CPED1: variants seen among roughly 807,000 people sequenced by gnomAD.
The protein encoded by CPED1 is cadherin like and PC-esterase domain containing 1.
CPED1 carries 114 observed loss-of-function variants against 128.2 expected under a neutral mutation model. That is an observed-to-expected ratio of 0.89 (90% confidence interval 0.76 to 1.04). The LOEUF (loss-of-function observed/expected upper bound fraction) is 1.04, where lower values mean the gene tolerates loss of function less well. CPED1 is among the 50% of genes least tolerant of loss of function. The pLI is 0.00. For missense variants in CPED1, 1,211 were observed against 1,207.1 expected (o/e 1.00, Z -0.05); for synonymous variants, 462 against 426.7 (o/e 1.08, Z -1.02).
At chr7:121,009,031 C>T (rs1792096175) in intron 2 of CPED1, among the ~76,000 whole-genome samples, 1 of 152,044 alleles carries the variant, frequency 6.6e-6, no homozygotes, top group African/African-American at 2.4e-5. Flanking sequence ...TCCCTTAGCT[C>T]AGTGTTTCCA....
chr7:121,041,455 A>T lies in CPED1; in HGVS notation c.434-5432A>T, dbSNP rs140500815. Reference sequence around the variant, plus strand: ...GAAGAATAAAGCAGGAAGAGACTTAATATTCTTAGATTTTTATTACGTGTG... The same window carrying T: ...GAAGAATAAAGCAGGAAGAGACTTATTATTCTTAGATTTTTATTACGTGTG... On this transcript the variant is annotated intron_variant, in intron 3 of 22. Coordinates refer to ENST00000310396, the MANE Select transcript of CPED1 (RefSeq NM_024913.5). Among the ~76,000 whole-genome samples the T allele has an allele frequency of 2.2e-3, 342 of 152,270 alleles. 4 individuals are homozygous for T. Among genetic ancestry groups the T allele is most frequent in the African/African-American group, 7.3e-3 (305 of 41,554 alleles).
intron 2 of CPED1, among the ~76,000 whole-genome samples, chr7:120,991,476 A>C (rs1234497712): frequency 6.6e-6 from 1 of 152,232 alleles, no homozygotes; most frequent in Non-Finnish European, 1.5e-5. Context: ...TGAGAAAGGC[A>C]ATTTCTTAAA....
chr7:121,188,625 A>G (rs1797057700), intron 16 of CPED1, among the ~76,000 whole-genome samples: 2 of 152,190 alleles, frequency 1.3e-5, no homozygotes, highest in Non-Finnish European at 1.5e-5. Flanking sequence ...CTTGAGGATC[A>G]TAACATTTAG....
chr7:121,293,345 C>T (rs1241939380), intron 22 of CPED1, among the ~76,000 whole-genome samples: 4 of 152,184 alleles, frequency 2.6e-5, no homozygotes, highest in Non-Finnish European at 5.9e-5. Context: ...TAATGGTAGA[C>T]ACCCCTACCC....
At chr7:121,266,515 T>C in intron 19 of CPED1, 68 bp downstream of exon 19, 1 of 1,331,722 alleles carries the variant, frequency 7.5e-7, no homozygotes, top group Non-Finnish European at 1.1e-6. Flanking sequence ...CAGTCGTCAC[T>C]GCTCAACTAC....
intron 16 of CPED1, among the ~76,000 whole-genome samples, chr7:121,200,435 G>A (rs1426290889): frequency 6.6e-6 from 1 of 152,036 alleles, no homozygotes; most frequent in Non-Finnish European, 1.5e-5. Context: ...TGGGCCTAGT[G>A]TTACAAGGAA....
intron 5 of CPED1, among the ~76,000 whole-genome samples, chr7:121,084,241 A>G (rs920207977): frequency 5.9e-5 from 9 of 152,214 alleles, no homozygotes; most frequent in African/African-American, 2.2e-4. Context: ...ATATATATTC[A>G]TTGACACCTG....
intron 16 of CPED1, among the ~76,000 whole-genome samples, chr7:121,177,304 T>A (rs377168011): frequency 6.6e-6 from 1 of 152,118 alleles, no homozygotes; most frequent in East Asian, 1.9e-4. Flanking sequence ...TGTGTGTGTG[T>A]TCGTGTGTGC....
chr7:121,057,668 T>A (rs867110795), intron 4 of CPED1, among the ~76,000 whole-genome samples: 1 of 152,246 alleles, frequency 6.6e-6, no homozygotes, highest in Non-Finnish European at 1.5e-5. Flanking sequence ...ACTTTATTCT[T>A]GGTTTTATTG....
At chr7:121,256,999 TGTAA>T (rs1017797536) in intron 18 of CPED1, among the ~76,000 whole-genome samples, 4 of 151,974 alleles carry the variant, frequency 2.6e-5, no homozygotes, top group African/African-American at 7.2e-5. Context: ...TTTTCTCACT[TGTAA>T]GTGAGAGCTA....
intron 3 of CPED1, among the ~76,000 whole-genome samples, chr7:121,036,507 A>ATTT (rs1302763163): frequency 7.1e-4 from 95 of 133,902 alleles, no homozygotes; most frequent in African/African-American, 2.6e-3. Flanking sequence ...ATATATATAT[A>ATTT]TTTTTTTTTT....
In CPED1 at chr7:121,047,712, CTTCTTT is replaced by C. The variant is rs796612984; in HGVS notation, c.540+722_540+727del. Among the ~76,000 whole-genome samples, 9 of 60,138 alleles carry C rather than the reference CTTCTTT, an allele frequency of 1.5e-4. 1 individual carries two copies. In the South Asian group the frequency reaches 4.3e-3, roughly 29 times the overall value. 39.5% of individuals were successfully genotyped at this position (60,138 alleles called of 152,430 possible). A position where few individuals can be genotyped will look rare whatever the true frequency, so the allele number is the denominator to read the frequency against. On this transcript the variant is annotated intron_variant, in intron 4 of 22. Coordinates refer to ENST00000310396, the MANE Select transcript of CPED1 (RefSeq NM_024913.5). The stretch of plus-strand genomic sequence containing the variant: ...TCTTCTTCTTCTTCTTCTTCTTCTT[CTTCTTT>C]TTTTTTTTTTGAGACGTAATCTTGC...
intron 22 of CPED1, among the ~76,000 whole-genome samples, chr7:121,278,825 A>G (rs1792379824): frequency 6.6e-6 from 1 of 152,190 alleles, no homozygotes; most frequent in South Asian, 2.1e-4. Context: ...ATGGAGGGTC[A>G]ACAAACAGTG....
At chr7:121,095,550 G>T (rs1301983441) in intron 5 of CPED1, among the ~76,000 whole-genome samples, 1 of 151,280 alleles carries the variant, frequency 6.6e-6, no homozygotes, top group East Asian at 1.9e-4. Context: ...TGGAAGCCTA[G>T]AATTTATTGA....
intron 22 of CPED1, among the ~76,000 whole-genome samples, chr7:121,278,694 G>A (rs1220726984): frequency 1.3e-5 from 2 of 152,162 alleles, no homozygotes; most frequent in African/African-American, 2.4e-5. Context: ...CACTGGTCAT[G>A]AGGGAGCCCA....
chr7:121,252,276 A>C (rs1584633018), intron 18 of CPED1, among the ~76,000 whole-genome samples: 1 of 152,104 alleles, frequency 6.6e-6, no homozygotes, highest in African/African-American at 2.4e-5. Context: ...GAAAGCTGAA[A>C]CTGGATCCCT....
intron 22 of CPED1, among the ~76,000 whole-genome samples, chr7:121,277,549 T>C (rs543217254): frequency 2.0e-5 from 3 of 152,072 alleles, no homozygotes; most frequent in Non-Finnish European, 2.9e-5. Context: ...GACGGCTGCA[T>C]TGCCTACACG....
intron 16 of CPED1, among the ~76,000 whole-genome samples, chr7:121,228,739 A>G (rs900770877): frequency 6.6e-6 from 1 of 152,080 alleles, no homozygotes; most frequent in Non-Finnish European, 1.5e-5. Flanking sequence ...TGAAATCAGC[A>G]TAAGTGCCTA....
chr7:121,084,168 AC>A (rs1794364156), intron 5 of CPED1, among the ~76,000 whole-genome samples: 1 of 152,060 alleles, frequency 6.6e-6, no homozygotes, highest in South Asian at 2.1e-4. Context: ...ACTAACCACT[AC>A]TGAGTCATCA....
Sources: gnomAD v4.1 joint callset for allele counts (sites outside exome capture counted in the v4.1 genomes callset) on GRCh38, gnomAD v4.1.1 for gene constraint, MANE v1.5 for transcripts, NCBI Gene and HGNC (gene_info 2026-07-23, HGNC 2026-07-21) for gene names.